LIMS1: variants seen among roughly 807,000 people sequenced by gnomAD.
LIMS1 encodes the protein LIM and senescent cell antigen-like-containing domain protein 1.
A neutral mutation model predicts 44.1 loss-of-function variants in LIMS1; 18 were observed. The ratio of observed to expected loss-of-function variants is 0.41; its 90% confidence interval spans 0.28 to 0.61. LIMS1 has a LOEUF of 0.61. Ranked by LOEUF, LIMS1 falls within the 20% of genes least tolerant of loss-of-function variation. LIMS1 has a pLI of 0.32. For synonymous variants in LIMS1, 93 were observed against 149.1 expected (o/e 0.62, Z 2.74); for missense variants, 201 against 422.0 (o/e 0.48, Z 4.59).
intron 1 of LIMS1, among the ~76,000 whole-genome samples, chr2:108,643,837 G>T (rs1214541304): frequency 6.6e-6 from 1 of 152,198 alleles, no homozygotes; most frequent in African/African-American, 2.4e-5. Flanking sequence ...TGGGGAAGGG[G>T]CGTCTGCCAT....
intron 1 of LIMS1, among the ~76,000 whole-genome samples, chr2:108,577,936 G>A (rs941932685): frequency 3.3e-5 from 5 of 152,142 alleles, no homozygotes; most frequent in Non-Finnish European, 1.5e-5. Flanking sequence ...ACGGAGTCTT[G>A]TCTTGTTCTG....
rs1037541595 is a variant in LIMS1 at position 108,597,788 on chromosome 2, G to A, written c.33-61817G>A. ...GCTCACTGCAACCTCTGCCTCCTAG[G>A]TTCAAGTGATTCTCCTGCCTCAGCC... is the stretch of plus-strand genomic sequence containing the variant. On this transcript the variant is annotated intron_variant, in intron 1 of 9. Transcript: ENST00000544547. 4.0e-5 allele frequency among the ~76,000 whole-genome samples: 6 copies of A among 149,422 alleles called. No individual in the cohort carries two copies. The South Asian group carries it at 8.5e-4, about 21-fold the overall frequency.
chr2:108,660,432 T>C (rs1382808169), intron 2 of LIMS1: 6 of 406,604 alleles, frequency 1.5e-5, no homozygotes, highest in Non-Finnish European at 2.9e-5. Context: ...CTTGTTGTTT[T>C]TTATTGTTTT....
chr2:108,540,055 A>G (rs1684265832), intron 1 of LIMS1, among the ~76,000 whole-genome samples: 1 of 152,202 alleles, frequency 6.6e-6, no homozygotes. Flanking sequence ...ATGCAGAGCC[A>G]GTGTCCTGTG....
chr2:108,679,190 G>A (rs116492055), intron 8 of LIMS1, among the ~76,000 whole-genome samples: 2,589 of 151,674 alleles, frequency 0.017, 45 homozygotes, highest in African/African-American at 0.036. Context: ...TAAAGTATAC[G>A]AGATAGGACC....
At chr2:108,647,479 C>G (rs1021242683) in intron 1 of LIMS1, among the ~76,000 whole-genome samples, 2 of 152,190 alleles carry the variant, frequency 1.3e-5, no homozygotes, top group Non-Finnish European at 2.9e-5. Flanking sequence ...CCAGCATCAT[C>G]CTGATACCAA....
At chr2:108,672,439 C>T in exon 4 of LIMS1, 1 of 856,160 alleles carries the variant, frequency 1.2e-6, no homozygotes, top group Non-Finnish European at 1.7e-6. Flanking sequence ...GTCAAGAATG[C>T]TGGGAGGTAG....
chr2:108,607,033 A>G, intron 1 of LIMS1: 1 of 591,882 alleles, frequency 1.7e-6, no homozygotes. Context: ...TTCTAACCCC[A>G]AAGTAAGAGT....
At chr2:108,554,071 G>A (rs1339185684) in intron 1 of LIMS1, among the ~76,000 whole-genome samples, 1 of 152,136 alleles carries the variant, frequency 6.6e-6, no homozygotes. Flanking sequence ...CTGGGCCCTG[G>A]AATTTCCGAT....
At chr2:108,541,306 G>C (rs927176201) in intron 1 of LIMS1, among the ~76,000 whole-genome samples, 1 of 152,222 alleles carries the variant, frequency 6.6e-6, no homozygotes, top group South Asian at 2.1e-4. Context: ...TTAAAGCTGG[G>C]CACATTGCTG....
At chr2:108,581,211 T>G (rs1057471906) in intron 1 of LIMS1, among the ~76,000 whole-genome samples, 3 of 152,166 alleles carry the variant, frequency 2.0e-5, no homozygotes, top group African/African-American at 7.2e-5. Flanking sequence ...TTGCTTAAAT[T>G]GCAGACATAA....
chr2:108,681,408 A>T (rs1016056784), intron 9 of LIMS1: 5 of 977,454 alleles, frequency 5.1e-6, no homozygotes, highest in Non-Finnish European at 6.1e-6. Context: ...TTTAAACACC[A>T]TATAGTATAC....
chr2:108,577,416 C>T (rs1685710196), intron 1 of LIMS1, among the ~76,000 whole-genome samples: 1 of 152,202 alleles, frequency 6.6e-6, no homozygotes, highest in Admixed American at 6.5e-5. Flanking sequence ...ACATCGCAGT[C>T]TAGGAAGTTA....
intron 1 of LIMS1, among the ~76,000 whole-genome samples, chr2:108,644,352 CAG>C (rs1304424403): frequency 6.6e-6 from 1 of 152,166 alleles, no homozygotes; most frequent in Non-Finnish European, 1.5e-5. Flanking sequence ...CCCAGGCAAA[CAG>C]GGTCTGGAGC....
chr2:108,584,698 T>C (rs545841711), intron 1 of LIMS1, among the ~76,000 whole-genome samples: 3 of 151,944 alleles, frequency 2.0e-5, no homozygotes, highest in African/African-American at 7.3e-5. Context: ...TCTGAGTTGT[T>C]TGAGGATGTG....
intron 1 of LIMS1, chr2:108,588,389 C>T (rs976335554): frequency 2.2e-5 from 22 of 985,056 alleles, no homozygotes; most frequent in Middle Eastern, 5.2e-4. Context: ...AAAGATAATT[C>T]GCAGTGATGT....
chr2:108,638,572 C>T (rs929558003), intron 1 of LIMS1, among the ~76,000 whole-genome samples: 8 of 151,926 alleles, frequency 5.3e-5, no homozygotes, highest in Non-Finnish European at 1.0e-4. Flanking sequence ...GGTGAAACCC[C>T]GTCTCTACCA....
chr2:108,575,120 T>A (rs572215605), intron 1 of LIMS1, among the ~76,000 whole-genome samples: 4 of 152,336 alleles, frequency 2.6e-5, no homozygotes, highest in Admixed American at 6.5e-5. Context: ...GTAACACGCC[T>A]CAACACTCTT....
chr2:108,552,314 T>C (rs1238682925), intron 1 of LIMS1, among the ~76,000 whole-genome samples: 1 of 141,772 alleles, frequency 7.1e-6, no homozygotes, highest in Admixed American at 7.2e-5. Context: ...AGTATATATA[T>C]GAAACTATAT....
Sources: gnomAD v4.1 joint callset for allele counts (sites outside exome capture counted in the v4.1 genomes callset) on GRCh38, gnomAD v4.1.1 for gene constraint, MANE v1.5 for transcripts, NCBI Gene and HGNC (gene_info 2026-07-23, HGNC 2026-07-21) for gene names.